GRAMD1B: variants seen among roughly 807,000 people sequenced by gnomAD.
GRAMD1B encodes protein Aster-B.
GRAMD1B carries 37 observed loss-of-function variants against 99.7 expected under a neutral mutation model. The ratio of observed to expected loss-of-function variants is 0.37; its 90% CI spans 0.29 to 0.49. The LOEUF is 0.49. Ranked by LOEUF, GRAMD1B falls within the 20% of genes least tolerant of loss-of-function variation. The pLI, the probability that GRAMD1B is intolerant of heterozygous loss-of-function variation, is 0.98. For missense variants in GRAMD1B, 888 were observed against 1,009.2 expected, an observed-to-expected ratio of 0.88 and a Z score of 1.63; for synonymous variants, 427 against 387.6, an observed-to-expected ratio of 1.10 and a Z score of -1.19.
In GRAMD1B at chr11:123,613,474, G is replaced by A. The variant is rs761314687; in HGVS notation, c.2043G>A (p.Thr681=). The change falls in exon 16 of 20, where the codon ACG becomes ACA. Residue 681 remains threonine (T), a synonymous_variant. Transcript: ENST00000635736. ...FRHLESELAK[T]ESTYLAEMHR... Reference sequence around the variant, plus strand: ...TGATAGAGAGCGAGCTGGCCAAAACGGAGAGCACTTATTTGGCTGAGATGC... The same window carrying A: ...TGATAGAGAGCGAGCTGGCCAAAACAGAGAGCACTTATTTGGCTGAGATGC... 1.2e-5 allele frequency: 19 copies of A among 1,611,294 alleles called. No homozygotes were observed. The highest frequency in any genetic ancestry group is 5.0e-5 in the Admixed American group (3 of 59,698).
In GRAMD1B at chr11:123,577,545, C is replaced by G; in HGVS notation, c.631C>G (p.Gln211Glu). 1.9e-6 allele frequency: 3 copies of G among 1,595,166 alleles called. No homozygotes were observed. The highest frequency in any genetic ancestry group is 2.6e-6 in the Non-Finnish European group (3 of 1,171,356). The part of the protein sequence containing the change: ...EQGVQRSCSS[Q>E]SGRSGGKNSK... ...GGGCGTGCAGCGCAGCTGCTCCTCCCAGTCCGGCCGGAGCGGCGGCAAGAA... is the reference window on the plus strand; with the variant it reads ...GGGCGTGCAGCGCAGCTGCTCCTCCGAGTCCGGCCGGAGCGGCGGCAAGAA... Residue 211 changes from glutamine (Q) to glutamate (E), a missense_variant, in exon 3 of 20, where the codon CAG becomes GAG. Around this residue, in one of 5 missense-constraint regions of GRAMD1B, gnomAD observed 233 missense variants for 154.6 expected, o/e 1.51. Transcript: ENST00000635736.
intron 2 of GRAMD1B, 136 bp downstream of exon 2, chr11:123,481,029 T>C (rs1333049158): frequency 1.0e-5 from 4 of 396,034 alleles, no homozygotes; most frequent in Non-Finnish European, 1.3e-5. Context: ...CTGAGACCTC[T>C]GTGCTTGACT....
rs1955445371 is a variant in GRAMD1B at position 123,625,460 on chromosome 11, T to G, written c.*2865T>G. 6.6e-6 allele frequency: 1 copy of G among 152,256 alleles called. No individual in the cohort carries two copies. Among genetic ancestry groups the G allele is most frequent in the Non-Finnish European group, 1.5e-5 (1 of 68,058 alleles). 9.4% of individuals were successfully genotyped at this position (152,256 alleles called of 1,614,324 possible). ...CTTACTGTGAAAGAATTGACAAGACTGGCCTCAGACAAGCTAATCATGGTG... is the reference window on the plus strand; with the variant it reads ...CTTACTGTGAAAGAATTGACAAGACGGGCCTCAGACAAGCTAATCATGGTG... On this transcript the variant is annotated 3_prime_UTR_variant, in exon 20 of 20. Transcript: ENST00000635736.
rs560153195 is a variant in GRAMD1B, at chr11:123,379,251, C to G, written c.-176+20452C>G. 2.5e-4 allele frequency among the ~76,000 whole-genome samples: 38 copies of G among 152,260 alleles called. No homozygotes were observed. The South Asian group carries it at 7.7e-3, about 31-fold the overall frequency. On this transcript the variant is annotated intron_variant, in intron 1 of 20. Coordinates refer to the GRAMD1B transcript ENST00000638157. Reference sequence around the variant, plus strand: ...GACCCAATAAGACATGTGGTCCAACCTCATCTAATTATTCAAATGGCATCT... The same window carrying G: ...GACCCAATAAGACATGTGGTCCAACGTCATCTAATTATTCAAATGGCATCT...
chr11:123,401,018 T>C (rs1947641640), intron 1 of GRAMD1B, among the ~76,000 whole-genome samples: 1 of 152,194 alleles, frequency 6.6e-6, no homozygotes, highest in African/African-American at 2.4e-5. Context: ...TCTCTCTCTC[T>C]AACAATATGC....
intron 2 of GRAMD1B, among the ~76,000 whole-genome samples, chr11:123,542,250 A>G (rs1944608386): frequency 6.6e-6 from 1 of 152,254 alleles, no homozygotes; most frequent in Admixed American, 6.5e-5. Context: ...ATGAACAGTG[A>G]TGCCAGATCC....
chr11:123,578,098 C>T (rs941812922), intron 3 of GRAMD1B, among the ~76,000 whole-genome samples: 1 of 152,092 alleles, frequency 6.6e-6, no homozygotes, highest in South Asian at 2.1e-4. Flanking sequence ...CAGGACTGCC[C>T]CCTGAGTACC....
chr11:123,394,147 C>T (rs950675482), intron 1 of GRAMD1B, among the ~76,000 whole-genome samples: 5 of 152,202 alleles, frequency 3.3e-5, no homozygotes, highest in Non-Finnish European at 5.9e-5. Flanking sequence ...TTAGCAATTA[C>T]GCATGAACCA....
intron 1 of GRAMD1B, among the ~76,000 whole-genome samples, chr11:123,384,529 T>G (rs1002533147): frequency 1.3e-5 from 2 of 151,958 alleles, no homozygotes; most frequent in Admixed American, 6.6e-5. Flanking sequence ...TTGCTAGTAA[T>G]TGATTATTTA....
chr11:123,484,471 C>T (rs1951777501), intron 2 of GRAMD1B, among the ~76,000 whole-genome samples: 1 of 152,170 alleles, frequency 6.6e-6, no homozygotes. Context: ...AAGGTTCTCC[C>T]ATCTAAACCT....
Position 123,609,845 on chromosome 11 carries a change from G to C in GRAMD1B, c.1708G>C (p.Val570Leu). The C allele has an allele frequency of 1.9e-6, 3 of 1,605,330 alleles. No homozygotes were observed. The highest frequency in any genetic ancestry group is 2.6e-6 in the Non-Finnish European group (3 of 1,175,780). ...KKEENGNQSR[V>L]ILYTITLTNP... The stretch of plus-strand genomic sequence containing the variant: ...GGAGGAGAATGGAAACCAGAGCCGA[G>C]TGATTCTTTACACCATCACCCTTAC... Residue 570 changes from valine to leucine, a missense_variant, in exon 13 of 20, where the codon GTG (valine) becomes CTG (leucine). Physicochemically the swap from Val to Leu is conservative, Grantham distance 32 (BLOSUM62 1). Around this residue, in one of 5 missense-constraint regions of GRAMD1B, gnomAD observed 92 missense variants for 156.9 expected, o/e 0.59. Coordinates refer to ENST00000635736, the MANE Select transcript of GRAMD1B (RefSeq NM_001387025.1).
chr11:123,457,266 T>C lies in GRAMD1B; in HGVS notation c.375-23550T>C, dbSNP rs200621609. 5.3e-5 allele frequency among the ~76,000 whole-genome samples: 8 copies of C among 152,266 alleles called. No homozygotes were observed. The East Asian group carries it at 1.4e-3, about 26-fold the overall frequency. On this transcript the variant is annotated intron_variant, in intron 1 of 19. Transcript: ENST00000635736. ...GAGTAACAGTTAAAGGACACACTTA[T>C]CAAATGAGCATACAGGAAGTGAACC...
intron 2 of GRAMD1B, among the ~76,000 whole-genome samples, chr11:123,513,132 A>G (rs1941207752): frequency 6.6e-6 from 1 of 152,184 alleles, no homozygotes; most frequent in African/African-American, 2.4e-5. Context: ...TGAAAAATGC[A>G]TCCCCCTTAT....
chr11:123,364,725 A>G (rs1382119638), intron 1 of GRAMD1B, among the ~76,000 whole-genome samples: 1 of 152,080 alleles, frequency 6.6e-6, no homozygotes, highest in African/African-American at 2.4e-5. Flanking sequence ...CCAGAGTTGA[A>G]ATGTTTCTCA....
At chr11:123,378,746 T>A (rs898299603) in intron 1 of GRAMD1B, among the ~76,000 whole-genome samples, 2 of 152,202 alleles carry the variant, frequency 1.3e-5, no homozygotes, top group African/African-American at 4.8e-5. Flanking sequence ...TGAGGGTAAT[T>A]CATGTGAATC....
chr11:123,448,091 A>G lies in GRAMD1B; in HGVS notation c.374+16925A>G, dbSNP rs370138565. Reference sequence around the variant, plus strand: ...GCTATGTTGCCTAGGCTGGTCTCAAACTGCTGGACTCAAGCAATCCTCTTG... The same window carrying G: ...GCTATGTTGCCTAGGCTGGTCTCAAGCTGCTGGACTCAAGCAATCCTCTTG... On this transcript the variant is annotated intron_variant, in intron 1 of 19. Coordinates refer to ENST00000635736, the MANE Select transcript of GRAMD1B (RefSeq NM_001387025.1). Among the ~76,000 whole-genome samples the G allele has an allele frequency of 2.6e-5, 4 of 152,128 alleles. No homozygotes were observed. In the East Asian group the frequency reaches 5.8e-4, roughly 22 times the overall value.
At chr11:123,530,067 A>G (rs903086209) in intron 2 of GRAMD1B, among the ~76,000 whole-genome samples, 2 of 152,106 alleles carry the variant, frequency 1.3e-5, no homozygotes, top group Admixed American at 1.3e-4. Flanking sequence ...TAGTCCTCAG[A>G]TGAGGGGAGT....
chr11:123,489,821 G>T (rs1459803279), intron 2 of GRAMD1B, among the ~76,000 whole-genome samples: 1 of 152,204 alleles, frequency 6.6e-6, no homozygotes, highest in Non-Finnish European at 1.5e-5. Flanking sequence ...GGTATCTCAA[G>T]GCTGAGAATT....
At chr11:123,435,495 T>G in intron 1 of GRAMD1B, 1 of 701,146 alleles carries the variant, frequency 1.4e-6, no homozygotes, top group East Asian at 2.7e-5. Context: ...GGAGACCCTT[T>G]TCTTCTCCTT....
Sources: gnomAD v4.1 joint callset for allele counts (sites outside exome capture counted in the v4.1 genomes callset) on GRCh38, gnomAD v4.1.1 for gene constraint, gnomAD v4.1.1 regional missense constraint, MANE v1.5 for transcripts, NCBI Gene and HGNC (gene_info 2026-07-23, HGNC 2026-07-21) for gene names.